The following MIA2 variants were observed in gnomAD, a reference collection of about 807,000 sequenced individuals.
The protein encoded by MIA2 is MIA SH3 domain ER export factor 2.
In MIA2, 127 loss-of-function variants were observed where a neutral mutation model predicts 167.8. The ratio of observed to expected loss-of-function variants is 0.76; its 90% CI spans 0.66 to 0.88. MIA2 has a LOEUF of 0.88. MIA2 is among the 40% of genes least tolerant of loss of function. The probability of loss-of-function intolerance (pLI) is 0.00; values close to 1 mark genes in which losing one functional copy is unlikely to be tolerated. For synonymous variants in MIA2, 552 were observed against 541.9 expected, an observed-to-expected ratio of 1.02 and a Z score of -0.26; for missense variants, 1,690 against 1,624.7, an observed-to-expected ratio of 1.04 and a Z score of -0.69.
At chr14:39,265,716 A>T in intron 6 of MIA2, 1 of 294,532 alleles carries the variant, frequency 3.4e-6, no homozygotes. Context: ...AGACACATTT[A>T]AGAATTTTTA....
In MIA2 at chr14:39,343,125, T is replaced by C. The variant is rs998858904; in HGVS notation, c.3656-2779T>C. ...ATTGGAATTCCTAGGTAATAGGGTATGCACACTTTTGATCTTATTTTCAAT... is the reference window on the plus strand; with the variant it reads ...ATTGGAATTCCTAGGTAATAGGGTACGCACACTTTTGATCTTATTTTCAAT... On this transcript the variant is annotated intron_variant, in intron 25 of 28. Transcript: ENST00000640607. Among the ~76,000 whole-genome samples the C allele has an allele frequency of 2.6e-5, 4 of 152,286 alleles. No individual in the cohort carries two copies. The East Asian group carries it at 7.7e-4, about 29-fold the overall frequency.
At chr14:39,347,197 A>T (rs7143942) in intron 26 of MIA2, among the ~76,000 whole-genome samples, 41,906 of 152,068 alleles carry the variant, frequency 0.28, 6,969 homozygotes, top group Non-Finnish European at 0.38. Flanking sequence ...TTCCAAGGAC[A>T]GATGTAGTGA....
chr14:39,326,563 T>G lies in MIA2; in HGVS notation c.3497-301T>G, dbSNP rs181176880. On this transcript the variant is annotated intron_variant, in intron 24 of 28. Coordinates refer to ENST00000640607, the MANE Select transcript of MIA2 (RefSeq NM_001329214.4). ...ATCATGCTCATTTGGACTATTGATA[T>G]ATTAGTTTAAGCAACAAAATCATTT... Among the ~76,000 whole-genome samples, 455 of 151,342 alleles carry G rather than the reference T, an allele frequency of 3.0e-3. 2 individuals carry two copies. The highest frequency in any genetic ancestry group is 5.6e-3 in the African/African-American group (233 of 41,458).
intron 21 of MIA2, among the ~76,000 whole-genome samples, chr14:39,316,689 T>C (rs932278957): frequency 6.6e-6 from 1 of 152,178 alleles, no homozygotes; most frequent in Non-Finnish European, 1.5e-5. Context: ...GCTTTAGTAT[T>C]GAGGGTTCAA....
chr14:39,296,725 G>A (rs899125751), intron 13 of MIA2, among the ~76,000 whole-genome samples: 4 of 150,156 alleles, frequency 2.7e-5, no homozygotes, highest in African/African-American at 7.3e-5. Context: ...ATGCTGGTGC[G>A]CTGCACCCAC....
chr14:39,247,182 G>A lies in MIA2; in HGVS notation c.608G>A (p.Ser203Asn), dbSNP rs762228942. Residue 203 changes from serine to asparagine, a missense_variant, in exon 4 of 29, where the codon AGT (serine) becomes AAT (asparagine). Transcript: ENST00000640607. ...SKDWEEVVVE[S>N]MEQDRIPEVH... Reference sequence around the variant, plus strand: ...GACTGGGAAGAAGTAGTTGTTGAAAGTATGGAACAGGATCGTATTCCAGAA... The same window carrying A: ...GACTGGGAAGAAGTAGTTGTTGAAAATATGGAACAGGATCGTATTCCAGAA... 4 of 1,614,044 alleles carry A rather than the reference G, an allele frequency of 2.5e-6. No individual in the cohort carries two copies. Among genetic ancestry groups the A allele is most frequent in the Admixed American group, 3.3e-5 (2 of 59,996 alleles).
chr14:39,243,169 C>A (rs2054133535), intron 3 of MIA2, among the ~76,000 whole-genome samples: 1 of 151,158 alleles, frequency 6.6e-6, no homozygotes, highest in African/African-American at 2.4e-5. Flanking sequence ...CATGACCAGG[C>A]AGACAGAGAA....
chr14:39,294,213 T>A (rs2061108981), intron 12 of MIA2, 142 bp downstream of exon 12: 2 of 558,900 alleles, frequency 3.6e-6, no homozygotes, highest in Non-Finnish European at 6.2e-6. Context: ...TAACAATACC[T>A]AAATGAATTA....
At chr14:39,372,179 G>C (rs1307080855) in intron 23 of MIA2, among the ~76,000 whole-genome samples, 1 of 151,954 alleles carries the variant, frequency 6.6e-6, no homozygotes, top group African/African-American at 2.4e-5. Flanking sequence ...TACTGTGTAG[G>C]CAGAAACAGT....
intron 3 of MIA2, among the ~76,000 whole-genome samples, chr14:39,244,745 A>C (rs1055607988): frequency 1.3e-5 from 2 of 152,104 alleles, no homozygotes; most frequent in South Asian, 4.1e-4. Flanking sequence ...GGCTGTATGC[A>C]ATATCTCAAT....
chr14:39,379,298 T>G (rs1275084700), intron 23 of MIA2, among the ~76,000 whole-genome samples: 2 of 152,160 alleles, frequency 1.3e-5, no homozygotes, highest in Non-Finnish European at 2.9e-5. Flanking sequence ...AAATCAGCCC[T>G]TACCATCTTA....
intron 21 of MIA2, 59 bp from the exon 22 acceptor site, chr14:39,317,885 T>A: frequency 3.5e-6 from 4 of 1,134,136 alleles, no homozygotes; most frequent in Non-Finnish European, 4.9e-6. Context: ...ATTGACATAT[T>A]TATGCTTATT....
In MIA2 at chr14:39,288,462, TATATA is replaced by T. The variant is rs2060194043; in HGVS notation, c.2131-2556_2131-2552del. On this transcript the variant is annotated intron_variant, in intron 9 of 28. Transcript: ENST00000640607. Reference sequence around the variant, plus strand: ...ATATATATATATATATATATATATATATATATATATATATTTTTTTTTTTTTTTTT... The same window carrying T: ...ATATATATATATATATATATATATATTATATATATTTTTTTTTTTTTTTTT... 1.4e-3 allele frequency among the ~76,000 whole-genome samples: 28 copies of T among 20,048 alleles called. 3 individuals are homozygous for T. Among genetic ancestry groups the T allele is most frequent in the Non-Finnish European group, 2.2e-3 (19 of 8,810 alleles). The allele number at this position is 20,048 out of a possible 152,430, so 13.2% of individuals were successfully genotyped here.
At position 39,234,141 on chromosome 14, in the gene MIA2, CCTT is replaced by C. The variant is rs769447194; in HGVS notation, c.33_35del (p.Leu12del). 16 of 1,605,854 alleles carry C rather than the reference CCTT, an allele frequency of 1.0e-5. No homozygotes were observed. Among genetic ancestry groups the C allele is most frequent in the East Asian group, 2.3e-5 (1 of 44,268 alleles). On this transcript the variant is annotated inframe_deletion, in exon 1 of 29. Coordinates refer to ENST00000640607, the MANE Select transcript of MIA2 (RefSeq NM_001329214.4). ...TGGCAAAATTTGGCGTTCACAGAAT[CCTT>C]CTTCTGGCTATTTCTCTGACAAAGT...
intron 4 of MIA2, 77 bp from the exon 5 acceptor site, chr14:39,252,671 C>T: frequency 9.4e-7 from 1 of 1,066,046 alleles, no homozygotes; most frequent in Non-Finnish European, 1.4e-6. Context: ...GAAAAATGAC[C>T]TGCCTAGAAA....
chr14:39,279,406 T>G, intron 8 of MIA2, 43 bp from the exon 9 acceptor site: 4 of 1,602,762 alleles, frequency 2.5e-6, no homozygotes, highest in Non-Finnish European at 3.4e-6. Flanking sequence ...TTGTAAAAAC[T>G]TATAATAATT....
intron 2 of MIA2, 145 bp from the exon 3 acceptor site, chr14:39,240,416 C>G: frequency 2.0e-6 from 1 of 511,022 alleles, no homozygotes; most frequent in Non-Finnish European, 3.4e-6. Context: ...TATTATTTCA[C>G]TCTTTTTTAT....
intron 6 of MIA2, among the ~76,000 whole-genome samples, chr14:39,257,973 C>T (rs1478153131): frequency 3.3e-5 from 5 of 152,200 alleles, no homozygotes; most frequent in African/African-American, 1.2e-4. Context: ...TGATGGGCTT[C>T]CCTTTGTAGG....
intron 2 of MIA2, among the ~76,000 whole-genome samples, chr14:39,239,790 C>T (rs2053958529): frequency 6.6e-6 from 1 of 152,154 alleles, no homozygotes; most frequent in South Asian, 2.1e-4. Flanking sequence ...TTAGTTCATG[C>T]AGTTAGCTGT....
Sources: gnomAD v4.1 joint callset for allele counts (sites outside exome capture counted in the v4.1 genomes callset) on GRCh38, gnomAD v4.1.1 for gene constraint, MANE v1.5 for transcripts, NCBI Gene and HGNC (gene_info 2026-07-23, HGNC 2026-07-21) for gene names.